The following PPT2 variants were observed in gnomAD, a reference collection of about 807,000 sequenced individuals.
PPT2 encodes the protein lysosomal thioesterase PPT2.
A neutral mutation model predicts 37.3 loss-of-function variants in PPT2; 20 were observed. The observed-to-expected ratio is 0.54, with a 90% CI of 0.38 to 0.78. The LOEUF is 0.78. PPT2 is among the 30% of genes least tolerant of loss of function. PPT2 has a pLI of 0.00. For synonymous variants in PPT2, 135 were observed against 159.1 expected (o/e 0.85, Z 1.14); for missense variants, 270 against 389.8 (o/e 0.69, Z 2.59).
intron 7 of PPT2, among the ~76,000 whole-genome samples, chr6:32,161,272 C>T (rs375869931): frequency 7.2e-5 from 11 of 152,052 alleles, no homozygotes; most frequent in African/African-American, 2.4e-4. Flanking sequence ...GATCTTGTTA[C>T]GTCTCTTTAG....
At position 32,162,692 on chromosome 6, in the gene PPT2, C is replaced by T; in HGVS notation, c.765+70C>T. 1.9e-6 allele frequency: 3 copies of T among 1,574,644 alleles called. No homozygotes were observed. The highest frequency in any genetic ancestry group is 2.6e-6 in the Non-Finnish European group (3 of 1,144,142). On this transcript the variant is annotated intron_variant, in intron 8 of 8. Coordinates refer to ENST00000324816, the MANE Select transcript of PPT2 (RefSeq NM_005155.7). The surrounding 1 kb of genome is among the most constrained non-coding windows in gnomAD (Gnocchi z 5.5). ...TTATTCCAGAGCCCTCTCTGTGACT[C>T]CTGAGCTGAAGGGTTCACCCTGTGG...
intron 7 of PPT2, among the ~76,000 whole-genome samples, chr6:32,159,797 C>A (rs1784034858): frequency 6.6e-6 from 1 of 151,434 alleles, no homozygotes; most frequent in African/African-American, 2.4e-5. Flanking sequence ...TCTCGGCTCA[C>A]TGCAACCTCC....
At chr6:32,160,409 G>T (rs3130282) in intron 7 of PPT2, among the ~76,000 whole-genome samples, 7,904 of 151,220 alleles carry the variant, frequency 0.052, 295 homozygotes, top group African/African-American at 0.1. Context: ...GGTGGCTCAC[G>T]CCTATAATCC....
chr6:32,153,958 C>T (rs1582600199), upstream of PPT2: 2 of 1,370,130 alleles, frequency 1.5e-6, no homozygotes, highest in Admixed American at 6.8e-5. The surrounding 1 kb of genome is among the most constrained non-coding windows in gnomAD (Gnocchi z 4.4). Flanking sequence ...TTTCCTCTCC[C>T]CACTGGCCTA....
Position 32,162,633 on chromosome 6 carries a change from TG to T in PPT2, c.765+14del. On this transcript the variant is annotated intron_variant, in intron 8 of 8. Coordinates refer to ENST00000324816, the MANE Select transcript of PPT2 (RefSeq NM_005155.7). The surrounding 1 kb of genome is among the most constrained non-coding windows in gnomAD (Gnocchi z 5.5). ...ATGGAGGAGCAACTGGTGAGCCCCC[TG>T]GGATTACTTCCCCTTCTAGCCGCTG... The T allele has an allele frequency of 6.2e-7, 1 of 1,601,176 alleles. No individual in the cohort carries two copies. Among genetic ancestry groups the T allele is most frequent in the Non-Finnish European group, 8.6e-7 (1 of 1,168,248 alleles).
chr6:32,162,826 T>A lies in PPT2; in HGVS notation c.785T>A (p.Phe262Tyr). Residue 262 changes from phenylalanine (F) to tyrosine (Y), a missense_variant, in exon 9 of 9, where the codon TTT becomes TAT. Physicochemically the swap from Phe to Tyr is conservative, Grantham distance 22 (BLOSUM62 3). Coordinates refer to ENST00000324816, the MANE Select transcript of PPT2 (RefSeq NM_005155.7). This position sits in a 1 kb window ranked among gnomAD's most constrained non-coding sequence, Gnocchi z 5.5. ...EEQLVYLRDS[F>Y]GLKTLLARGA... The stretch of plus-strand genomic sequence containing the variant: ...TTGAAGGTTTATCTGCGGGATTCTT[T>A]TGGGTTGAAGACTCTATTGGCCCGG... The A allele has an allele frequency of 6.2e-7, 1 of 1,613,718 alleles. No individual in the cohort carries two copies. Among genetic ancestry groups the A allele is most frequent in the Non-Finnish European group, 8.5e-7 (1 of 1,179,824 alleles).
At position 32,155,296 on chromosome 6, in the gene PPT2, T is replaced by A. The variant is rs1283875514; in HGVS notation, c.337+113T>A. 2.4e-6 allele frequency: 3 copies of A among 1,274,048 alleles called. No homozygotes were observed. Among genetic ancestry groups the A allele is most frequent in the Non-Finnish European group, 3.3e-6 (3 of 912,702 alleles). The allele number at this position is 1,274,048 out of a possible 1,614,324, so 78.9% of individuals were successfully genotyped here. A position where few individuals can be genotyped will look rare whatever the true frequency, so the allele number is the denominator to read the frequency against. ...AACCACATTGCTCCAGGCACAACCC[T>A]GGTACCTGAGCCCTTCCTTTCTGAC... On this transcript the variant is annotated intron_variant, in intron 3 of 8. Coordinates refer to ENST00000324816, the MANE Select transcript of PPT2 (RefSeq NM_005155.7). The surrounding 1 kb of genome is among the most constrained non-coding windows in gnomAD (Gnocchi z 4.3).
At position 32,154,945 on chromosome 6, in the gene PPT2, A is replaced by G. The variant is rs1561811704; in HGVS notation, c.184-85A>G. On this transcript the variant is annotated intron_variant, in intron 2 of 8. Transcript: ENST00000324816. This position sits in a 1 kb window ranked among gnomAD's most constrained non-coding sequence, Gnocchi z 7.3. Reference sequence around the variant, plus strand: ...GGGATCCCTGGTTCTAGCAGGGTACAATAGACCTGTGGACGCGGGCCAGGG... The same window carrying G: ...GGGATCCCTGGTTCTAGCAGGGTACGATAGACCTGTGGACGCGGGCCAGGG... 1.3e-6 allele frequency: 2 copies of G among 1,587,092 alleles called. No individual in the cohort carries two copies. Among genetic ancestry groups the G allele is most frequent in the East Asian group, 2.2e-5 (1 of 44,690 alleles).
intron 7 of PPT2, among the ~76,000 whole-genome samples, chr6:32,159,067 T>C (rs1783972934): frequency 6.6e-6 from 1 of 152,046 alleles, no homozygotes; most frequent in African/African-American, 2.4e-5. Flanking sequence ...TATACTCACA[T>C]CATTGTAAAA....
At chr6:32,159,359 G>A (rs1783989281) in intron 7 of PPT2, among the ~76,000 whole-genome samples, 1 of 149,266 alleles carries the variant, frequency 6.7e-6, no homozygotes, top group South Asian at 2.1e-4. Flanking sequence ...CTTGAACCTG[G>A]GAGGCAGAGG....
At position 32,162,567 on chromosome 6, in the gene PPT2, G is replaced by T. The variant is rs1469554271; in HGVS notation, c.711-1G>T. 6.2e-7 allele frequency: 1 copy of T among 1,609,192 alleles called. No individual in the cohort carries two copies. The highest frequency in any genetic ancestry group is 1.3e-5 in the African/African-American group (1 of 74,794). ...TAACCTCCCCCCAAATCTCTTTGTAGCTTCTTTGGTTTCTATGATGCAAAT... is the reference window on the plus strand; with the variant it reads ...TAACCTCCCCCCAAATCTCTTTGTATCTTCTTTGGTTTCTATGATGCAAAT... On this transcript the variant is annotated splice_acceptor_variant, in intron 7 of 8. Coordinates refer to ENST00000324816, the MANE Select transcript of PPT2 (RefSeq NM_005155.7). LOFTEE classifies it high-confidence loss of function. This position sits in a 1 kb window ranked among gnomAD's most constrained non-coding sequence, Gnocchi z 5.5.
At position 32,155,569 on chromosome 6, in the gene PPT2, TG is replaced by T; in HGVS notation, c.338-118del. On this transcript the variant is annotated intron_variant, in intron 3 of 8. Coordinates refer to ENST00000324816, the MANE Select transcript of PPT2 (RefSeq NM_005155.7). The surrounding 1 kb of genome is among the most constrained non-coding windows in gnomAD (Gnocchi z 4.3). ...CTCAGTCTCCTTTGTGTACAGTGTGTGTCTGTGTGTGTCTCTGTGTGTGTGT... is the reference window on the plus strand; with the variant it reads ...CTCAGTCTCCTTTGTGTACAGTGTGTTCTGTGTGTGTCTCTGTGTGTGTGT... 1 of 839,508 alleles carries T rather than the reference TG, an allele frequency of 1.2e-6. No homozygotes were observed. The highest frequency in any genetic ancestry group is 2.0e-6 in the Non-Finnish European group (1 of 504,360). The allele number at this position is 839,508 out of a possible 1,614,324, so 52.0% of individuals were successfully genotyped here.
chr6:32,155,230 G>C lies in PPT2; in HGVS notation c.337+47G>C, dbSNP rs1425722895. On this transcript the variant is annotated intron_variant, in intron 3 of 8. Transcript: ENST00000324816. This position sits in a 1 kb window ranked among gnomAD's most constrained non-coding sequence, Gnocchi z 4.3. ...AACTCCTAAGCCCTATCTGAGGCTT[G>C]ATCCTTATCTGAGGGACACTTCCTA... is the stretch of plus-strand genomic sequence containing the variant. 6.2e-7 allele frequency: 1 copy of C among 1,600,452 alleles called. No homozygotes were observed. Among genetic ancestry groups the C allele is most frequent in the African/African-American group, 1.3e-5 (1 of 74,580 alleles).
Position 32,162,598 on chromosome 6 carries a change from C to T in PPT2, c.741C>T (p.Thr247=), listed in dbSNP as rs760381432. ...SFFGFYDANE[T]VLEMEEQLVY... ...TTGGTTTCTATGATGCAAATGAGAC[C>T]GTCCTGGAGATGGAGGAGCAACTGG... Residue 247 remains threonine, a synonymous_variant, in exon 8 of 9, where the codon ACC becomes ACT. Transcript: ENST00000324816. The surrounding 1 kb of genome is among the most constrained non-coding windows in gnomAD (Gnocchi z 5.5). 4.2e-5 allele frequency: 67 copies of T among 1,611,118 alleles called. No individual in the cohort carries two copies. The South Asian group carries it at 5.3e-4, about 13-fold the overall frequency.
In PPT2 at chr6:32,154,636, C is replaced by T; in HGVS notation, c.42C>T (p.Val14=). 1 of 1,612,712 alleles carries T rather than the reference C, an allele frequency of 6.2e-7. No individual in the cohort carries two copies. Among genetic ancestry groups the T allele is most frequent in the Non-Finnish European group, 8.5e-7 (1 of 1,179,864 alleles). ...LCGQRLPAAW[V]LLLLPFLPLL... is the part of the protein sequence containing the mutation. ...GGCAGCGGCTCCCCGCGGCGTGGGT[C>T]CTGCTTCTGTTGCCTTTCCTGCCGC... Residue 14 remains valine, a synonymous_variant, in exon 2 of 9, where the codon GTC becomes GTT. Transcript: ENST00000324816. The surrounding 1 kb of genome is among the most constrained non-coding windows in gnomAD (Gnocchi z 7.3).
chr6:32,162,754 T>C lies in PPT2; in HGVS notation c.766-53T>C, dbSNP rs113232065. On this transcript the variant is annotated intron_variant, in intron 8 of 8. Transcript: ENST00000324816. The surrounding 1 kb of genome is among the most constrained non-coding windows in gnomAD (Gnocchi z 5.5). Reference sequence around the variant, plus strand: ...AGGATCCCAGCAGTAACTCACTTTGTCTCTCCTTGTGTCTCTCTTCCATGC... The same window carrying C: ...AGGATCCCAGCAGTAACTCACTTTGCCTCTCCTTGTGTCTCTCTTCCATGC... 7.9e-5 allele frequency: 126 copies of C among 1,602,142 alleles called. No homozygotes were observed. The highest frequency in any genetic ancestry group is 2.0e-4 in the Admixed American group (12 of 59,664).
At chr6:32,161,126 G>A (rs1170374664) in intron 7 of PPT2, among the ~76,000 whole-genome samples, 5 of 149,572 alleles carry the variant, frequency 3.3e-5, no homozygotes, top group Non-Finnish European at 7.4e-5. Flanking sequence ...ATTTATATAC[G>A]TTAATGTTAT....
At position 32,155,237 on chromosome 6, in the gene PPT2, A is replaced by T; in HGVS notation, c.337+54A>T. On this transcript the variant is annotated intron_variant, in intron 3 of 8. Transcript: ENST00000324816. The surrounding 1 kb of genome is among the most constrained non-coding windows in gnomAD (Gnocchi z 4.3). Reference sequence around the variant, plus strand: ...AAGCCCTATCTGAGGCTTGATCCTTATCTGAGGGACACTTCCTAGCGTCCC... The same window carrying T: ...AAGCCCTATCTGAGGCTTGATCCTTTTCTGAGGGACACTTCCTAGCGTCCC... 6.3e-7 allele frequency: 1 copy of T among 1,591,416 alleles called. No homozygotes were observed. The highest frequency in any genetic ancestry group is 2.2e-5 in the East Asian group (1 of 44,590).
rs1042610375 is a variant in PPT2, at chr6:32,162,945, T to C, written c.904T>C (p.Ser302Pro). ...LYETCIEPWL[S>P] ...TGAGACCTGCATTGAACCTTGGCTC[T>C]CCTGAGGATATATTCAGGGGTCCCC... The change falls in exon 9 of 9, where the codon TCC (serine) becomes CCC (proline). Residue 302 changes from serine (S) to proline (P), a missense_variant. By Grantham distance (74) the Ser-to-Pro change is moderately conservative. Transcript: ENST00000324816. The surrounding 1 kb of genome is among the most constrained non-coding windows in gnomAD (Gnocchi z 5.5). 32 of 1,612,024 alleles carry C rather than the reference T, an allele frequency of 2.0e-5. No individual in the cohort carries two copies. In the East Asian group the frequency reaches 7.1e-4, roughly 36 times the overall value.
Sources: allele counts gnomAD v4.1 joint callset (sites outside exome capture counted in the v4.1 genomes callset), GRCh38; gene constraint gnomAD v4.1.1; non-coding constraint Gnocchi (gnomAD v3.1); transcripts MANE v1.5; gene names NCBI Gene and HGNC (gene_info 2026-07-23, HGNC 2026-07-21).